Variants in KAZN observed in about 807,000 individuals in gnomAD.
KAZN encodes kazrin, periplakin interacting protein.
In KAZN, 40 loss-of-function variants were observed where a neutral mutation model predicts 87.4. The ratio of observed to expected loss-of-function variants is 0.46; its 90% CI spans 0.36 to 0.60. KAZN has a LOEUF of 0.60. KAZN is among the 20% of genes least tolerant of loss of function. The pLI is 0.00. For missense variants in KAZN, 898 were observed against 1,073.9 expected (o/e 0.84, Z 2.29); for synonymous variants, 466 against 458.3 (o/e 1.02, Z -0.22).
At chr1:15,007,766 A>G (rs181620334) in intron 2 of KAZN, among the ~76,000 whole-genome samples, 8 of 152,300 alleles carry the variant, frequency 5.3e-5, no homozygotes, top group Admixed American at 2.6e-4. Context: ...CGCACTCCTC[A>G]TTTCCAGCAT....
intron 1 of KAZN, among the ~76,000 whole-genome samples, chr1:13,958,437 A>G (rs968989666): frequency 6.6e-6 from 1 of 151,698 alleles, no homozygotes; most frequent in Non-Finnish European, 1.5e-5. Context: ...AGCCGGGCAT[A>G]GTGGCGGGCA....
intron 1 of KAZN, among the ~76,000 whole-genome samples, chr1:14,805,204 TG>T (rs1309402756): frequency 2.0e-5 from 3 of 152,018 alleles, no homozygotes; most frequent in African/African-American, 7.3e-5. Flanking sequence ...CCAGAGGAGG[TG>T]GTCCAGGGTA....
chr1:14,135,885 C>T (rs1229762072), intron 1 of KAZN, among the ~76,000 whole-genome samples: 2 of 152,140 alleles, frequency 1.3e-5, no homozygotes, highest in Non-Finnish European at 2.9e-5. Flanking sequence ...TATAATTTTG[C>T]TAAAAATGTA....
chr1:14,127,155 T>C (rs759196636), intron 1 of KAZN, among the ~76,000 whole-genome samples: 40 of 152,330 alleles, frequency 2.6e-4, no homozygotes, highest in Non-Finnish European at 5.0e-4. Context: ...TCCAGTGACT[T>C]CTTTCCAACT....
At chr1:14,544,862 G>A (rs55698600) in intron 2 of KAZN, among the ~76,000 whole-genome samples, 22,012 of 151,598 alleles carry the variant, frequency 0.15, 1,978 homozygotes, top group Non-Finnish European at 0.19. Context: ...AAGCCACCTC[G>A]CCTGGCCCCC....
intron 1 of KAZN, among the ~76,000 whole-genome samples, chr1:14,015,057 G>A (rs182258181): frequency 2.0e-5 from 3 of 152,200 alleles, no homozygotes; most frequent in Admixed American, 2.0e-4. Flanking sequence ...TGATTTTACT[G>A]TAATCTCTTT....
chr1:15,036,069 C>T (rs866462982), intron 3 of KAZN, among the ~76,000 whole-genome samples: 2 of 152,038 alleles, frequency 1.3e-5, no homozygotes, highest in Non-Finnish European at 2.9e-5. Context: ...TGTCACCTCC[C>T]GGGCATGCAC....
intron 1 of KAZN, among the ~76,000 whole-genome samples, chr1:14,073,413 T>A (rs1187762299): frequency 1.3e-5 from 2 of 152,184 alleles, no homozygotes; most frequent in Non-Finnish European, 2.9e-5. Flanking sequence ...CAATTTTTTT[T>A]ATTATACTTT....
In KAZN at chr1:13,949,435, TA is replaced by T. The variant is rs113887211; in HGVS notation, c.91+55685del. On this transcript the variant is annotated intron_variant, in intron 1 of 16. Transcript: ENST00000636203. ...ACCACTAATTAGATTGTTCAGGGCT[TA>T]AAAAATGATAAGGCTTCTCAATATC... 8.9e-3 allele frequency among the ~76,000 whole-genome samples: 1,357 copies of T among 152,256 alleles called. 16 individuals are homozygous for T. Among genetic ancestry groups the T allele is most frequent in the African/African-American group, 0.03 (1,254 of 41,532 alleles).
At chr1:14,161,332 G>A (rs1645705231) in intron 1 of KAZN, among the ~76,000 whole-genome samples, 1 of 152,184 alleles carries the variant, frequency 6.6e-6, no homozygotes, top group Admixed American at 6.5e-5. Flanking sequence ...CTCTCATGAA[G>A]ATGCAGTCAC....
intron 1 of KAZN, among the ~76,000 whole-genome samples, chr1:14,747,150 T>C (rs951670925): frequency 2.0e-5 from 3 of 152,228 alleles, no homozygotes; most frequent in Non-Finnish European, 4.4e-5. Context: ...TGCGGTAGCA[T>C]GTTCAGAGTT....
intron 1 of KAZN, among the ~76,000 whole-genome samples, chr1:14,812,245 G>A (rs1294208885): frequency 6.6e-6 from 1 of 152,132 alleles, no homozygotes; most frequent in East Asian, 1.9e-4. Context: ...CCTCCAGGTG[G>A]ACTCAGTCCC....
At chr1:14,099,858 G>T (rs533974472) in intron 1 of KAZN, among the ~76,000 whole-genome samples, 1 of 152,052 alleles carries the variant, frequency 6.6e-6, no homozygotes, top group East Asian at 1.9e-4. Flanking sequence ...ATCTGATCTG[G>T]CTCATGTTAA....
At chr1:13,978,529 T>G (rs1461337190) in intron 1 of KAZN, among the ~76,000 whole-genome samples, 2 of 151,342 alleles carry the variant, frequency 1.3e-5, no homozygotes, top group Non-Finnish European at 1.5e-5. Flanking sequence ...ATGAAAATGC[T>G]ATACCTTAAA....
chr1:14,740,338 G>C (rs144593843), intron 1 of KAZN, among the ~76,000 whole-genome samples: 1 of 152,170 alleles, frequency 6.6e-6, no homozygotes, highest in Non-Finnish European at 1.5e-5. Context: ...CTTGGTGGAG[G>C]GAGTGGAATT....
intron 2 of KAZN, among the ~76,000 whole-genome samples, chr1:14,412,432 G>T (rs1664384014): frequency 6.6e-6 from 1 of 152,066 alleles, no homozygotes; most frequent in Admixed American, 6.5e-5. Flanking sequence ...ATAAAACTGA[G>T]AACTCAGCAG....
intron 1 of KAZN, among the ~76,000 whole-genome samples, chr1:14,778,369 G>A (rs1268741808): frequency 6.9e-6 from 1 of 144,048 alleles, no homozygotes; most frequent in African/African-American, 2.6e-5. Flanking sequence ...CTTCCAAAAA[G>A]CCTGCTTTCT....
At chr1:14,453,705 A>T (rs1667409218) in intron 2 of KAZN, among the ~76,000 whole-genome samples, 1 of 152,148 alleles carries the variant, frequency 6.6e-6, no homozygotes. Context: ...GTGTGGTGGC[A>T]TGCCCCTGTA....
At chr1:14,791,503 G>A (rs1350371950) in intron 1 of KAZN, among the ~76,000 whole-genome samples, 2 of 152,232 alleles carry the variant, frequency 1.3e-5, no homozygotes, top group African/African-American at 4.8e-5. Context: ...TAGATTCTGC[G>A]TGACTTGCAA....
Sources: allele counts gnomAD v4.1 joint callset (sites outside exome capture counted in the v4.1 genomes callset), GRCh38; gene constraint gnomAD v4.1.1; transcripts MANE v1.5; gene names NCBI Gene and HGNC (gene_info 2026-07-23, HGNC 2026-07-21).